Variants in BCKDHB observed in about 807,000 individuals in gnomAD.
The protein encoded by BCKDHB is branched chain keto acid dehydrogenase E1 subunit beta.
In BCKDHB, 41 loss-of-function variants were observed where a neutral mutation model predicts 48.5. The ratio of observed to expected loss-of-function variants is 0.85; its 90% CI spans 0.66 to 1.10. The LOEUF (loss-of-function observed/expected upper bound fraction) is 1.10, where lower values mean the gene tolerates loss of function less well. BCKDHB is among the 50% of genes least tolerant of loss of function. The probability of loss-of-function intolerance (pLI) is 0.00; values close to 1 mark genes in which losing one functional copy is unlikely to be tolerated. For synonymous variants in BCKDHB, 201 were observed against 174.8 expected (o/e 1.15, Z -1.18); for missense variants, 496 against 494.2 (o/e 1.00, Z -0.03).
In BCKDHB at chr6:80,177,225, C is replaced by CAAAAAAA. The variant is rs575991853; in HGVS notation, c.742+5859_742+5865dup. Among the ~76,000 whole-genome samples, 9 of 43,150 alleles carry CAAAAAAA rather than the reference C, an allele frequency of 2.1e-4. 1 individual carries two copies. Among genetic ancestry groups the CAAAAAAA allele is most frequent in the Non-Finnish European group, 3.3e-4 (8 of 24,360 alleles). 28.3% of individuals were successfully genotyped at this position (43,150 alleles called of 152,430 possible). On this transcript the variant is annotated intron_variant, in intron 6 of 9. Transcript: ENST00000320393. The stretch of plus-strand genomic sequence containing the variant: ...CCTGGATGACAGTGAGACCTTGTCT[C>CAAAAAAA]AAAAAAAAAAAAAAAAAAAAAAAAA...
chr6:80,122,425 G>A (rs1006250312), intron 1 of BCKDHB, among the ~76,000 whole-genome samples: 4 of 151,440 alleles, frequency 2.6e-5, no homozygotes, highest in Non-Finnish European at 5.9e-5. Flanking sequence ...AGAAGGTGTC[G>A]GGGGAACCCA....
chr6:80,166,141 G>T (rs1772557598), intron 3 of BCKDHB, among the ~76,000 whole-genome samples: 1 of 152,070 alleles, frequency 6.6e-6, no homozygotes, highest in Non-Finnish European at 1.5e-5. Flanking sequence ...CCTACTTTTG[G>T]CCCTTCAATG....
At chr6:80,329,070 G>A (rs1459521938) in intron 9 of BCKDHB, among the ~76,000 whole-genome samples, 1 of 151,934 alleles carries the variant, frequency 6.6e-6, no homozygotes, top group Non-Finnish European at 1.5e-5. Flanking sequence ...TATCTTTAAG[G>A]CACTAGATAT....
chr6:80,326,875 GAAAA>G (rs1175796998), intron 9 of BCKDHB, among the ~76,000 whole-genome samples: 1 of 149,804 alleles, frequency 6.7e-6, no homozygotes, highest in Non-Finnish European at 1.5e-5. Context: ...CAAAAGAAAA[GAAAA>G]AAAAAGAGTA....
At chr6:80,381,810 A>G in the BCKDHB span, among the ~76,000 whole-genome samples, 1 of 152,118 alleles carries the variant, frequency 6.6e-6, no homozygotes, top group Non-Finnish European at 1.5e-5. Flanking sequence ...TTTATTAACA[A>G]TCCTAAGATA....
At chr6:80,381,907 TTAAAA>T in the BCKDHB span, among the ~76,000 whole-genome samples, 1 of 12,238 alleles carries the variant, frequency 8.2e-5, no homozygotes, top group Non-Finnish European at 7.2e-3. Flanking sequence ...TAAAACCTGA[TTAAAA>T]CCTAAAACCT....
At chr6:80,305,091 C>T (rs1285000957) in intron 9 of BCKDHB, among the ~76,000 whole-genome samples, 2 of 151,992 alleles carry the variant, frequency 1.3e-5, no homozygotes, top group Non-Finnish European at 2.9e-5. Context: ...ATATGATTTT[C>T]TACATAGAAA....
At chr6:80,116,726 G>A (rs147007405) in intron 1 of BCKDHB, among the ~76,000 whole-genome samples, 1 of 152,276 alleles carries the variant, frequency 6.6e-6, no homozygotes, top group African/African-American at 2.4e-5. Context: ...GTTGTTGTTT[G>A]TTTTGCTATA....
the BCKDHB span, among the ~76,000 whole-genome samples, chr6:80,425,573 G>GA: frequency 1.3e-5 from 2 of 152,234 alleles, no homozygotes; most frequent in South Asian, 2.1e-4. Flanking sequence ...TAGCATGTGT[G>GA]AAAAAAGGTT....
chr6:80,148,573 G>C (rs1202778986), intron 3 of BCKDHB, among the ~76,000 whole-genome samples: 6 of 152,088 alleles, frequency 3.9e-5, no homozygotes, highest in Non-Finnish European at 7.4e-5. Context: ...ATTATCATGA[G>C]TCTTTGTTCT....
At chr6:80,431,949 T>C in the BCKDHB span, among the ~76,000 whole-genome samples, 10 of 152,246 alleles carry the variant, frequency 6.6e-5, no homozygotes, top group Admixed American at 3.9e-4. Context: ...CCTTCACTTA[T>C]GAAGCTTAGT....
At chr6:80,260,955 A>G (rs908809792) in intron 8 of BCKDHB, among the ~76,000 whole-genome samples, 1 of 152,146 alleles carries the variant, frequency 6.6e-6, no homozygotes, top group Non-Finnish European at 1.5e-5. Context: ...CTGGGGAGAC[A>G]TGTTTTGCTT....
the BCKDHB span, among the ~76,000 whole-genome samples, chr6:80,417,868 A>G: frequency 6.6e-6 from 1 of 152,066 alleles, no homozygotes; most frequent in Admixed American, 6.6e-5. Context: ...CTGAATTTGA[A>G]TGTTGGCCAC....
At chr6:80,436,147 CTTT>C in the BCKDHB span, among the ~76,000 whole-genome samples, 11 of 70,366 alleles carry the variant, frequency 1.6e-4, no homozygotes, top group African/African-American at 4.6e-4. Context: ...AAATTCTTTT[CTTT>C]TTTTTTTTTT....
At chr6:80,268,724 GAAT>G (rs931500316) in intron 8 of BCKDHB, among the ~76,000 whole-genome samples, 1 of 152,054 alleles carries the variant, frequency 6.6e-6, no homozygotes, top group Non-Finnish European at 1.5e-5. Flanking sequence ...AGTTCTCCTA[GAAT>G]AACAACTTAA....
chr6:80,271,588 G>A (rs778093528), intron 8 of BCKDHB, among the ~76,000 whole-genome samples: 12 of 152,042 alleles, frequency 7.9e-5, no homozygotes, highest in African/African-American at 2.7e-4. Context: ...GGTTGTGTAG[G>A]GTTTTAGGGT....
chr6:80,404,878 A>G, the BCKDHB span, among the ~76,000 whole-genome samples: 1 of 151,984 alleles, frequency 6.6e-6, no homozygotes, highest in African/African-American at 2.4e-5. Context: ...ATTGATTTCT[A>G]GTTTCATAAC....
intron 8 of BCKDHB, among the ~76,000 whole-genome samples, chr6:80,253,998 C>CA (rs1236841347): frequency 1.1e-4 from 16 of 151,644 alleles, no homozygotes; most frequent in African/African-American, 3.6e-4. Context: ...TAATTATGAT[C>CA]ATTACTTTAT....
At chr6:80,197,042 C>T (rs1208756096) in intron 6 of BCKDHB, among the ~76,000 whole-genome samples, 4 of 152,010 alleles carry the variant, frequency 2.6e-5, no homozygotes, top group Admixed American at 6.6e-5. Flanking sequence ...TGAAATAGAG[C>T]GGTGTCAGTT....
Sources: gnomAD v4.1 joint callset for allele counts (sites outside exome capture counted in the v4.1 genomes callset) on GRCh38, gnomAD v4.1.1 for gene constraint, MANE v1.5 for transcripts, NCBI Gene and HGNC (gene_info 2026-07-23, HGNC 2026-07-21) for gene names.